Variants in NRP1 observed in about 807,000 individuals in gnomAD.
The protein encoded by NRP1 is neuropilin 1.
Under a neutral mutation model 106.7 loss-of-function variants are expected in NRP1, and 35 were observed. The ratio of observed to expected loss-of-function variants is 0.33; its 90% CI spans 0.25 to 0.43. The LOEUF (loss-of-function observed/expected upper bound fraction) is 0.43. NRP1 is among the 20% of genes least tolerant of loss of function. NRP1 has a pLI of 1.00. For synonymous variants in NRP1, 437 were observed against 417.9 expected (o/e 1.05, Z -0.56); for missense variants, 1,024 against 1,170.4 (o/e 0.87, Z 1.83).
chr10:33,221,674 A>C (rs746331928), intron 8 of NRP1, 45 bp downstream of exon 8: 41 of 1,584,614 alleles, frequency 2.6e-5, no homozygotes, highest in Admixed American at 5.0e-5. Context: ...AAAACAAGAC[A>C]ATCTTCGACT....
At chr10:33,197,581 G>C in intron 12 of NRP1, 69 bp downstream of exon 12, 5 of 1,243,956 alleles carry the variant, frequency 4.0e-6, no homozygotes, top group African/African-American at 1.5e-5. Context: ...GAAACTGAAA[G>C]CGAGGAGCGC....
chr10:33,331,114 C>G (rs926048563), intron 1 of NRP1, among the ~76,000 whole-genome samples: 21 of 152,170 alleles, frequency 1.4e-4, no homozygotes, highest in Non-Finnish European at 2.5e-4. Context: ...GAGGACTCTT[C>G]CCCCCAGCCC....
At chr10:33,203,760 G>A (rs1470694037) in intron 10 of NRP1, among the ~76,000 whole-genome samples, 2 of 66,146 alleles carry the variant, frequency 3.0e-5, no homozygotes, top group African/African-American at 4.5e-5. Context: ...TTGAGACGGA[G>A]TCTCGCTCTG....
At chr10:33,255,040 T>A (rs1475330210) in intron 5 of NRP1, among the ~76,000 whole-genome samples, 1 of 152,086 alleles carries the variant, frequency 6.6e-6, no homozygotes, top group African/African-American at 2.4e-5. Flanking sequence ...TTTAGGAAAA[T>A]GTTTATCCAA....
At chr10:33,283,088 C>T (rs1844261200) in intron 2 of NRP1, among the ~76,000 whole-genome samples, 1 of 152,176 alleles carries the variant, frequency 6.6e-6, no homozygotes, top group Non-Finnish European at 1.5e-5. Context: ...AAAAATTGCA[C>T]AATTTTGTTC....
chr10:33,204,436 A>AT (rs1435108688), intron 10 of NRP1, among the ~76,000 whole-genome samples: 1 of 152,192 alleles, frequency 6.6e-6, no homozygotes, highest in African/African-American at 2.4e-5. Context: ...TCTGGCCTGT[A>AT]TTTATTGCTC....
intron 5 of NRP1, among the ~76,000 whole-genome samples, chr10:33,255,696 C>T (rs1020534381): frequency 2.0e-5 from 3 of 152,196 alleles, no homozygotes; most frequent in African/African-American, 4.8e-5. Context: ...AAGCAATCCT[C>T]CTGCCTCGCC....
chr10:33,230,402 T>C (rs1050828872), intron 6 of NRP1, among the ~76,000 whole-genome samples: 5 of 152,182 alleles, frequency 3.3e-5, no homozygotes, highest in Non-Finnish European at 5.9e-5. Context: ...AATCAACAGA[T>C]GCAAGAAGAA....
Position 33,192,344 on chromosome 10 carries a change from T to A in NRP1, c.1999A>T (p.Asn667Tyr). The change falls in exon 13 of 17, where the codon AAT (asparagine) becomes TAT (tyrosine). Residue 667 changes from asparagine (N) to tyrosine (Y), a missense_variant. Around this residue, in one of 5 missense-constraint regions of NRP1, gnomAD observed 562 missense variants for 620.3 expected, o/e 0.91. Coordinates refer to ENST00000374867, the MANE Select transcript of NRP1 (RefSeq NM_003873.7). The part of the protein sequence containing the change: ...HKTFCHWEHD[N>Y]HVQLKWSVLT... ...ACACTCCACTTGAGCTGCACGTGAT[T>A]GTCATGTTCCCAGTGGCAGAAGGTC... The A allele has an allele frequency of 6.2e-7, 1 of 1,613,864 alleles. No individual in the cohort carries two copies. Among genetic ancestry groups the A allele is most frequent in the Non-Finnish European group, 8.5e-7 (1 of 1,179,870 alleles).
At chr10:33,228,925 C>G (rs1839893319) in intron 6 of NRP1, among the ~76,000 whole-genome samples, 1 of 152,158 alleles carries the variant, frequency 6.6e-6, no homozygotes, top group Non-Finnish European at 1.5e-5. Flanking sequence ...AGTGCCTACA[C>G]TTGTTTACCA....
chr10:33,321,490 C>T lies in NRP1; in HGVS notation c.248+9218G>A, dbSNP rs73253803. Among the ~76,000 whole-genome samples the T allele has an allele frequency of 6.0e-3, 918 of 152,278 alleles. 12 individuals are homozygous for T. The highest frequency in any genetic ancestry group is 0.02 in the African/African-American group (850 of 41,548). ...TAATCTCTTATCAGACCAAGTCAGCCTTAGCTCCTCCAGGTTTGTAGAGAC... is the reference window on the plus strand; with the variant it reads ...TAATCTCTTATCAGACCAAGTCAGCTTTAGCTCCTCCAGGTTTGTAGAGAC... On this transcript the variant is annotated intron_variant, in intron 2 of 16. Transcript: ENST00000374867.
At chr10:33,316,467 C>G (rs986729021) in intron 2 of NRP1, among the ~76,000 whole-genome samples, 3 of 152,162 alleles carry the variant, frequency 2.0e-5, no homozygotes, top group Non-Finnish European at 4.4e-5. Context: ...GGTCAACATC[C>G]TCCAGAAAGA....
intron 6 of NRP1, among the ~76,000 whole-genome samples, chr10:33,241,680 T>C (rs115776104): frequency 0.012 from 1,808 of 151,866 alleles, 44 homozygotes; most frequent in African/African-American, 0.042. Context: ...GGGTGCATCT[T>C]TGACAGAAAA....
At chr10:33,183,060 C>T (rs1835784953) in intron 15 of NRP1, among the ~76,000 whole-genome samples, 1 of 152,124 alleles carries the variant, frequency 6.6e-6, no homozygotes, top group Admixed American at 6.6e-5. Context: ...GCTGGGTATG[C>T]TGGCTCGTGC....
intron 7 of NRP1, among the ~76,000 whole-genome samples, chr10:33,222,546 A>T (rs1839344331): frequency 8.1e-6 from 1 of 123,592 alleles, no homozygotes; most frequent in Non-Finnish European, 1.9e-5. Context: ...TTTAAGATGG[A>T]GTCTCGCTCT....
At chr10:33,297,686 C>CAAA (rs10711145) in intron 2 of NRP1, among the ~76,000 whole-genome samples, 8 of 95,936 alleles carry the variant, frequency 8.3e-5, no homozygotes, top group African/African-American at 2.2e-4. Flanking sequence ...GACTTTGTCT[C>CAAA]AAAAAAAAAA....
chr10:33,311,748 T>C lies in NRP1; in HGVS notation c.248+18960A>G, dbSNP rs138616440. Reference sequence around the variant, plus strand: ...AGTTCTGAATTTATTACCACTTATATATATTTTTAAGCACATGTTGTGATG... The same window carrying C: ...AGTTCTGAATTTATTACCACTTATACATATTTTTAAGCACATGTTGTGATG... On this transcript the variant is annotated intron_variant, in intron 2 of 16. Coordinates refer to ENST00000374867, the MANE Select transcript of NRP1 (RefSeq NM_003873.7). Among the ~76,000 whole-genome samples the C allele has an allele frequency of 9.7e-4, 148 of 152,340 alleles. 1 individual carries two copies. Among genetic ancestry groups the C allele is most frequent in the African/African-American group, 3.2e-3 (132 of 41,578 alleles).
chr10:33,196,592 C>T (rs937433846), intron 12 of NRP1, among the ~76,000 whole-genome samples: 8 of 152,126 alleles, frequency 5.3e-5, no homozygotes, highest in Non-Finnish European at 1.0e-4. Flanking sequence ...TCTGTTTCAT[C>T]TCTTGGTTTT....
At chr10:33,268,981 C>G (rs7078014) in intron 3 of NRP1, among the ~76,000 whole-genome samples, 1,930 of 152,310 alleles carry the variant, frequency 0.013, 20 homozygotes, top group Non-Finnish European at 0.021. Flanking sequence ...GCAACGTTTC[C>G]TGGATCCCCA....
Sources: allele counts gnomAD v4.1 joint callset (sites outside exome capture counted in the v4.1 genomes callset), GRCh38; gene constraint gnomAD v4.1.1; regional missense constraint gnomAD v4.1.1; transcripts MANE v1.5; gene names NCBI Gene and HGNC (gene_info 2026-07-23, HGNC 2026-07-21).